The following DUSP16 variants were observed in gnomAD, a reference collection of about 807,000 sequenced individuals.
The protein encoded by DUSP16 is dual specificity phosphatase 16.
A neutral mutation model predicts 58.3 loss-of-function variants in DUSP16; 21 were observed. That is an observed-to-expected ratio of 0.36 (90% confidence interval 0.26 to 0.52). The LOEUF is 0.52. DUSP16 is among the 20% of genes least tolerant of loss of function. The pLI is 0.94. For missense variants in DUSP16, 726 were observed against 819.0 expected, an observed-to-expected ratio of 0.89 and a Z score of 1.39; for synonymous variants, 320 against 323.8, an observed-to-expected ratio of 0.99 and a Z score of 0.12.
intron 2 of DUSP16, among the ~76,000 whole-genome samples, chr12:12,520,662 G>C (rs1048157211): frequency 6.6e-6 from 1 of 152,154 alleles, no homozygotes; most frequent in Non-Finnish European, 1.5e-5. Context: ...CCAAACTAAA[G>C]CAAGTTAATC....
chr12:12,542,210 C>T (rs1944570125), intron 1 of DUSP16, among the ~76,000 whole-genome samples: 1 of 151,878 alleles, frequency 6.6e-6, no homozygotes, highest in Non-Finnish European at 1.5e-5. Context: ...CCCGTCTCTA[C>T]TACAAATACA....
intron 4 of DUSP16, among the ~76,000 whole-genome samples, chr12:12,494,488 G>C (rs1426528224): frequency 8.5e-5 from 13 of 152,144 alleles, no homozygotes; most frequent in African/African-American, 3.1e-4. Flanking sequence ...GATACAAAGA[G>C]GTATCCGATG....
intron 1 of DUSP16, among the ~76,000 whole-genome samples, chr12:12,552,761 A>G (rs1444840643): frequency 6.6e-6 from 1 of 152,082 alleles, no homozygotes; most frequent in South Asian, 2.1e-4. Context: ...AAAGCATATT[A>G]TTTATATCAA....
At chr12:12,543,806 T>A (rs1944600019) in intron 1 of DUSP16, among the ~76,000 whole-genome samples, 1 of 152,106 alleles carries the variant, frequency 6.6e-6, no homozygotes, top group Non-Finnish European at 1.5e-5. Flanking sequence ...TGTTTGGATT[T>A]GGTTAAGAAA....
rs761860145 is a variant in DUSP16, at chr12:12,475,440, G to A, written c.*1393C>T. The A allele has an allele frequency of 6.6e-6, 1 of 152,260 alleles. No individual in the cohort carries two copies. Among genetic ancestry groups the A allele is most frequent in the Non-Finnish European group, 1.5e-5 (1 of 68,078 alleles). The allele number at this position is 152,260 out of a possible 1,614,324, so 9.4% of individuals were successfully genotyped here. A position where few individuals can be genotyped will look rare whatever the true frequency, so the allele number is the denominator to read the frequency against. On this transcript the variant is annotated 3_prime_UTR_variant, in exon 7 of 7. Transcript: ENST00000298573. ...CGCCCCTTTGCTCTCGCTCCATTTT[G>A]ATTTGCTTTTTCCACTGAAGACACG...
chr12:12,495,352 C>T (rs1030191425), intron 4 of DUSP16, among the ~76,000 whole-genome samples: 1 of 151,834 alleles, frequency 6.6e-6, no homozygotes, highest in Admixed American at 6.6e-5. Context: ...CGAGGTTCAT[C>T]TGCAAAGTGA....
At chr12:12,499,323 A>T (rs1943876533) in intron 4 of DUSP16, among the ~76,000 whole-genome samples, 1 of 152,254 alleles carries the variant, frequency 6.6e-6, no homozygotes. Flanking sequence ...ATCTCTAAAA[A>T]GAATTAATAA....
intron 1 of DUSP16, among the ~76,000 whole-genome samples, chr12:12,529,578 G>T (rs530808058): frequency 6.6e-6 from 1 of 152,106 alleles, no homozygotes; most frequent in Non-Finnish European, 1.5e-5. Context: ...GAATTTTTCA[G>T]GAATACTATA....
At chr12:12,502,082 G>GA (rs1219089129) in intron 3 of DUSP16, among the ~76,000 whole-genome samples, 1 of 152,192 alleles carries the variant, frequency 6.6e-6, no homozygotes, top group African/African-American at 2.4e-5. Context: ...ACAAGATCCT[G>GA]AAATCTGACT....
chr12:12,505,386 T>C (rs1443605312), intron 3 of DUSP16, among the ~76,000 whole-genome samples: 1 of 152,142 alleles, frequency 6.6e-6, no homozygotes, highest in Non-Finnish European at 1.5e-5. Context: ...AAGGCTTCAA[T>C]GAGGGAGAAG....
At chr12:12,554,608 G>A (rs1944781091) in intron 1 of DUSP16, 1 of 151,980 alleles carries the variant, frequency 6.6e-6, no homozygotes, top group South Asian at 2.1e-4. Flanking sequence ...CTGTGTGTTT[G>A]TGCCCATCCT....
chr12:12,490,423 A>AC (rs1266747935), intron 4 of DUSP16, among the ~76,000 whole-genome samples: 1 of 151,548 alleles, frequency 6.6e-6, no homozygotes, highest in Non-Finnish European at 1.5e-5. Flanking sequence ...ACAAAAAAAA[A>AC]CCCTTAAATA....
intron 1 of DUSP16, among the ~76,000 whole-genome samples, chr12:12,546,364 G>C (rs1445603187): frequency 1.3e-5 from 2 of 152,202 alleles, no homozygotes; most frequent in Non-Finnish European, 2.9e-5. Context: ...ATTTTGCAAT[G>C]AAACTGTCAG....
chr12:12,484,014 A>G (rs1943629187), intron 5 of DUSP16, among the ~76,000 whole-genome samples: 1 of 152,008 alleles, frequency 6.6e-6, no homozygotes, highest in South Asian at 2.1e-4. Context: ...AAAATTTTAC[A>G]TTTATCTTTA....
At chr12:12,515,625 G>A (rs1407208570) in intron 3 of DUSP16, among the ~76,000 whole-genome samples, 4 of 151,760 alleles carry the variant, frequency 2.6e-5, no homozygotes, top group African/African-American at 9.7e-5. Context: ...ACCGCACCTG[G>A]CCAATATGAA....
intron 1 of DUSP16, among the ~76,000 whole-genome samples, chr12:12,540,187 G>T (rs1360782939): frequency 4.0e-5 from 6 of 151,654 alleles, no homozygotes. Flanking sequence ...GGGGCCCGTA[G>T]TCCCAGCTAC....
intron 3 of DUSP16, among the ~76,000 whole-genome samples, chr12:12,507,856 G>A (rs1319826414): frequency 3.3e-5 from 5 of 152,216 alleles, no homozygotes; most frequent in East Asian, 1.9e-4. Context: ...TGATCAGCCC[G>A]CCTTGGCCTC....
Position 12,546,010 on chromosome 12 carries a change from T to C in DUSP16, c.-366+16107A>G, listed in dbSNP as rs189645218. 3.9e-3 allele frequency among the ~76,000 whole-genome samples: 591 copies of C among 152,322 alleles called. 3 individuals carry two copies. The highest frequency in any genetic ancestry group is 0.01 in the South Asian group (50 of 4,830). On this transcript the variant is annotated intron_variant, in intron 1 of 6. Transcript: ENST00000298573. ...GGAAAAGAACTTGTTATAAATGATA[T>C]TGATGTAATAACAGTAACATCATGT...
At position 12,477,359 on chromosome 12, in the gene DUSP16, C is replaced by A. The variant is rs941252122; in HGVS notation, c.1472G>T (p.Ser491Ile). Residue 491 changes from serine (S) to isoleucine (I), a missense_variant, in exon 7 of 7, where the codon AGC becomes ATC. Ser to Ile is a moderately radical substitution (Grantham distance 142). Coordinates refer to ENST00000298573, the MANE Select transcript of DUSP16 (RefSeq NM_030640.3). The surrounding 1 kb of genome is among the most constrained non-coding windows in gnomAD (Gnocchi z 4.1). Reference protein sequence around the residue: ...SKRLHSVRTSSSGTAQRSLLS... With the variant: ...SKRLHSVRTSISGTAQRSLLS... ...AAGGGACCTCTGGGCGGTGCCACTGCTGCTGGTTCTGACCGAATGCAATCG... is the reference window on the plus strand; with the variant it reads ...AAGGGACCTCTGGGCGGTGCCACTGATGCTGGTTCTGACCGAATGCAATCG... 1.9e-6 allele frequency: 3 copies of A among 1,614,024 alleles called. No homozygotes were observed. Among genetic ancestry groups the A allele is most frequent in the African/African-American group, 2.7e-5 (2 of 74,950 alleles).
Sources: allele counts gnomAD v4.1 joint callset (sites outside exome capture counted in the v4.1 genomes callset), GRCh38; gene constraint gnomAD v4.1.1; non-coding constraint Gnocchi (gnomAD v3.1); transcripts MANE v1.5; gene names NCBI Gene and HGNC (gene_info 2026-07-23, HGNC 2026-07-21).